Variants in PDGFD observed in about 807,000 individuals in gnomAD.
PDGFD encodes platelet-derived growth factor D.
Under a neutral mutation model 44.7 loss-of-function variants are expected in PDGFD, and 30 were observed. That is an observed-to-expected ratio of 0.67 (90% CI 0.50 to 0.91). The LOEUF (loss-of-function observed/expected upper bound fraction) is 0.91. PDGFD is among the 40% of genes least tolerant of loss of function. The probability of loss-of-function intolerance (pLI) is 0.00; values close to 1 mark genes in which losing one functional copy is unlikely to be tolerated. For missense variants in PDGFD, 445 were observed against 457.8 expected (o/e 0.97, Z 0.25); for synonymous variants, 173 against 168.4 (o/e 1.03, Z -0.21).
intron 1 of PDGFD, among the ~76,000 whole-genome samples, chr11:104,004,224 G>A (rs567116011): frequency 6.8e-4 from 104 of 152,210 alleles, no homozygotes; most frequent in Non-Finnish European, 1.2e-3. Context: ...TTCTTATGTA[G>A]TTTGATTAAG....
chr11:103,949,880 CT>C (rs1472775894), intron 3 of PDGFD, among the ~76,000 whole-genome samples: 12 of 152,206 alleles, frequency 7.9e-5, no homozygotes, highest in African/African-American at 2.2e-4. Context: ...TAAATAGTTG[CT>C]TCTTGCAGAA....
intron 1 of PDGFD, among the ~76,000 whole-genome samples, chr11:104,015,870 A>G (rs977501888): frequency 6.6e-6 from 1 of 152,196 alleles, no homozygotes; most frequent in African/African-American, 2.4e-5. Context: ...GCATATAAAG[A>G]GCTCACGTGG....
intron 1 of PDGFD, among the ~76,000 whole-genome samples, chr11:104,066,872 T>C (rs7943604): frequency 0.24 from 36,148 of 152,010 alleles, 4,770 homozygotes; most frequent in Non-Finnish European, 0.3. Context: ...AAAGTACTTA[T>C]ACAACCAAAT....
intron 3 of PDGFD, among the ~76,000 whole-genome samples, chr11:103,973,738 G>C (rs972708695): frequency 2.0e-5 from 3 of 152,094 alleles, no homozygotes; most frequent in Non-Finnish European, 2.9e-5. Flanking sequence ...CAAAGGAAGT[G>C]ACATTAATTT....
At chr11:103,968,218 C>T (rs1859050267) in intron 3 of PDGFD, among the ~76,000 whole-genome samples, 1 of 152,104 alleles carries the variant, frequency 6.6e-6, no homozygotes, top group Non-Finnish European at 1.5e-5. Context: ...CAGCATTTCC[C>T]AGCACTCTGT....
chr11:103,909,491 A>T lies in PDGFD; in HGVS notation c.*203T>A. On this transcript the variant is annotated 3_prime_UTR_variant, in exon 7 of 7. Transcript: ENST00000393158. ...AAACACTATTATTAAATGCAATCCT[A>T]TATTCTTAGGTATAGAAGTTGATGA... is the stretch of plus-strand genomic sequence containing the variant. 1.7e-6 allele frequency: 1 copy of T among 579,808 alleles called. No individual in the cohort carries two copies. The highest frequency in any genetic ancestry group is 2.1e-5 in the South Asian group (1 of 46,780). 35.9% of individuals were successfully genotyped at this position (579,808 alleles called of 1,614,324 possible).
intron 5 of PDGFD, among the ~76,000 whole-genome samples, chr11:103,941,077 A>C (rs1858576613): frequency 1.3e-5 from 2 of 152,148 alleles, no homozygotes; most frequent in Admixed American, 1.3e-4. Context: ...CTGCAGATAC[A>C]GGATGAACAA....
intron 1 of PDGFD, among the ~76,000 whole-genome samples, chr11:104,068,487 T>C (rs1008670000): frequency 6.6e-6 from 1 of 152,228 alleles, no homozygotes; most frequent in African/African-American, 2.4e-5. Flanking sequence ...GCCAATTAAA[T>C]ATTGTTGTAC....
At position 104,020,667 on chromosome 11, in the gene PDGFD, A is replaced by G. The variant is rs117724708; in HGVS notation, c.125-20412T>C. ...TGGGCTTAGAAAACAGACATTTTAT[A>G]CTTCATTTTTCTTATGCATTTACAT... On this transcript the variant is annotated intron_variant, in intron 1 of 6. Coordinates refer to ENST00000393158, the MANE Select transcript of PDGFD (RefSeq NM_025208.5). Among the ~76,000 whole-genome samples, 1,273 of 152,190 alleles carry G rather than the reference A, an allele frequency of 8.4e-3. 5 individuals are homozygous for G. The highest frequency in any genetic ancestry group is 0.02 in the Middle Eastern group (6 of 294).
At chr11:103,925,716 CATAT>C (rs370841769) in intron 6 of PDGFD, among the ~76,000 whole-genome samples, 11,720 of 122,602 alleles carry the variant, frequency 0.096, 623 homozygotes, top group African/African-American at 0.13. Flanking sequence ...CACACACACA[CATAT>C]ATATATATAT....
intron 1 of PDGFD, among the ~76,000 whole-genome samples, chr11:104,015,037 T>C (rs1156826894): frequency 6.6e-6 from 1 of 152,188 alleles, no homozygotes; most frequent in Non-Finnish European, 1.5e-5. Flanking sequence ...GTTGCTGTTA[T>C]TTTTGCAAAG....
intron 3 of PDGFD, among the ~76,000 whole-genome samples, chr11:103,976,689 G>C (rs1739705649): frequency 1.3e-5 from 2 of 151,872 alleles, no homozygotes; most frequent in African/African-American, 4.8e-5. Context: ...TCTTATTATT[G>C]AGATACGTTC....
chr11:104,069,552 T>C (rs1008372188), intron 1 of PDGFD, among the ~76,000 whole-genome samples: 2 of 152,216 alleles, frequency 1.3e-5, no homozygotes, highest in Non-Finnish European at 2.9e-5. Flanking sequence ...GAATCAATTA[T>C]TAATATGATG....
At chr11:104,014,506 A>G (rs1360478132) in intron 1 of PDGFD, among the ~76,000 whole-genome samples, 1 of 152,174 alleles carries the variant, frequency 6.6e-6, no homozygotes, top group African/African-American at 2.4e-5. Flanking sequence ...CAAACAGACA[A>G]ACAAACAAAC....
At chr11:103,965,678 A>G (rs1278979124) in intron 3 of PDGFD, among the ~76,000 whole-genome samples, 5 of 152,334 alleles carry the variant, frequency 3.3e-5, no homozygotes, top group Admixed American at 2.6e-4. Flanking sequence ...TCCAGCTCAC[A>G]ACGTCTATCA....
intron 1 of PDGFD, among the ~76,000 whole-genome samples, chr11:104,010,795 A>C (rs1165217253): frequency 6.6e-6 from 1 of 152,088 alleles, no homozygotes; most frequent in African/African-American, 2.4e-5. Flanking sequence ...GAAATAATAA[A>C]ATTCAGAACT....
At chr11:104,163,460 T>C (rs1862417308) in intron 1 of PDGFD, among the ~76,000 whole-genome samples, 1 of 152,202 alleles carries the variant, frequency 6.6e-6, no homozygotes, top group Non-Finnish European at 1.5e-5. Flanking sequence ...AGGTTGAGTC[T>C]GACCAAGGGG....
chr11:103,925,573 T>A (rs1858295044), intron 6 of PDGFD, among the ~76,000 whole-genome samples: 1 of 151,308 alleles, frequency 6.6e-6, no homozygotes, highest in Non-Finnish European at 1.5e-5. Flanking sequence ...GACTTGCATG[T>A]GTTTCCACAA....
intron 1 of PDGFD, among the ~76,000 whole-genome samples, chr11:104,126,128 C>T (rs1238241528): frequency 6.6e-6 from 1 of 152,164 alleles, no homozygotes; most frequent in African/African-American, 2.4e-5. Flanking sequence ...TAGCCTATCA[C>T]TGCTCCTTTA....
Sources: allele counts gnomAD v4.1 joint callset (sites outside exome capture counted in the v4.1 genomes callset), GRCh38; gene constraint gnomAD v4.1.1; transcripts MANE v1.5; gene names NCBI Gene and HGNC (gene_info 2026-07-23, HGNC 2026-07-21).